ACO1: variants seen among roughly 807,000 people sequenced by gnomAD.
ACO1 encodes the protein aconitase 1, also known as cytoplasmic aconitate hydratase.
ACO1 carries 78 observed loss-of-function variants against 105.1 expected under a neutral mutation model. The ratio of observed to expected loss-of-function variants is 0.74; its 90% confidence interval spans 0.62 to 0.90. The LOEUF (loss-of-function observed/expected upper bound fraction) is 0.90. Among genes scored for constraint, ACO1 ranks in the 40% least tolerant of loss-of-function variants. The pLI is 0.00. For synonymous variants in ACO1, 364 were observed against 397.4 expected, an observed-to-expected ratio of 0.92 and a Z score of 1.00; for missense variants, 965 against 1,111.1, an observed-to-expected ratio of 0.87 and a Z score of 1.87.
intron 1 of ACO1, among the ~76,000 whole-genome samples, chr9:32,397,644 C>G (rs57884823): frequency 6.6e-6 from 1 of 152,138 alleles, no homozygotes; most frequent in Non-Finnish European, 1.5e-5. Context: ...CAATTAATTT[C>G]TCTTTAAACA....
In ACO1 at chr9:32,450,728, A is replaced by G. The variant is rs755549382; in HGVS notation, c.*617A>G. On this transcript the variant is annotated 3_prime_UTR_variant, in exon 21 of 21. Coordinates refer to ENST00000309951, the MANE Select transcript of ACO1 (RefSeq NM_002197.3). ...TAGATCCACATAAAAAGAAATGTGA[A>G]GTTTTCTTTTACTATCTTTTCATTT... 2 of 151,866 alleles carry G rather than the reference A, an allele frequency of 1.3e-5. No individual in the cohort carries two copies. Among genetic ancestry groups the G allele is most frequent in the Non-Finnish European group, 2.9e-5 (2 of 68,042 alleles). The allele number at this position is 151,866 out of a possible 1,614,324, so 9.4% of individuals were successfully genotyped here.
At position 32,449,018 on chromosome 9, in the gene ACO1, G is replaced by A. The variant is rs767278329; in HGVS notation, c.2493G>A (p.Gly831=). The A allele has an allele frequency of 1.9e-6, 3 of 1,614,118 alleles. No individual in the cohort carries two copies. The highest frequency in any genetic ancestry group is 2.5e-6 in the Non-Finnish European group (3 of 1,179,998). Residue 831 remains glycine (G), a synonymous_variant, in exon 20 of 21, where the codon GGG becomes GGA. Coordinates refer to ENST00000309951, the MANE Select transcript of ACO1 (RefSeq NM_002197.3). ...ATGCAGATGCCCTGGGGCTCACAGG[G>A]CAAGAACGATACACTATCATTATTC... ...GENADALGLT[G]QERYTIIIPE... is the part of the protein sequence containing the mutation.
intron 1 of ACO1, among the ~76,000 whole-genome samples, chr9:32,386,714 T>C (rs1057002624): frequency 6.6e-6 from 1 of 152,172 alleles, no homozygotes; most frequent in Admixed American, 6.5e-5. Flanking sequence ...GGAAATGGGA[T>C]CTAAACTCTG....
rs1347233943 is a variant in ACO1, at chr9:32,452,445, G to A, written c.*2334G>A. On this transcript the variant is annotated 3_prime_UTR_variant, in exon 21 of 21. Coordinates refer to ENST00000309951, the MANE Select transcript of ACO1 (RefSeq NM_002197.3). ...AACACAGCAAGAAGTCACCATCCGT[G>A]AACCAGAAAGTGGGTTCTCACCAGA... 1 of 152,294 alleles carries A rather than the reference G, an allele frequency of 6.6e-6. No individual in the cohort carries two copies. The highest frequency in any genetic ancestry group is 1.9e-4 in the East Asian group (1 of 5,198). The allele number at this position is 152,294 out of a possible 1,614,324, so 9.4% of individuals were successfully genotyped here.
At chr9:32,390,892 A>G (rs1275572230) in intron 1 of ACO1, among the ~76,000 whole-genome samples, 4 of 152,318 alleles carry the variant, frequency 2.6e-5, no homozygotes, top group African/African-American at 7.2e-5. Flanking sequence ...TAATCATACA[A>G]TGCATCCCCT....
intron 4 of ACO1, among the ~76,000 whole-genome samples, chr9:32,412,672 A>G (rs1821765200): frequency 6.6e-6 from 1 of 152,180 alleles, no homozygotes. Context: ...CTAAGGCAAT[A>G]TGTCTTCCCC....
chr9:32,422,189 T>C (rs1314853593), intron 8 of ACO1, among the ~76,000 whole-genome samples: 3 of 152,210 alleles, frequency 2.0e-5, no homozygotes, highest in Non-Finnish European at 4.4e-5. Flanking sequence ...GTTCCCGTGG[T>C]GCTGCAGGTG....
At chr9:32,397,538 T>G (rs1821398099) in intron 1 of ACO1, among the ~76,000 whole-genome samples, 1 of 152,238 alleles carries the variant, frequency 6.6e-6, no homozygotes, top group Non-Finnish European at 1.5e-5. Flanking sequence ...GTTGTTTATG[T>G]TCACATAGAC....
intron 4 of ACO1, among the ~76,000 whole-genome samples, chr9:32,416,945 G>A (rs902675591): frequency 1.3e-5 from 2 of 152,216 alleles, no homozygotes; most frequent in East Asian, 1.9e-4. Context: ...CGCCCACAAC[G>A]TAATGTTGTC....
chr9:32,393,535 G>C (rs545964104), intron 1 of ACO1, among the ~76,000 whole-genome samples: 1 of 152,184 alleles, frequency 6.6e-6, no homozygotes, highest in East Asian at 1.9e-4. Flanking sequence ...ATCTTGCCCT[G>C]CCTCCATTTA....
At chr9:32,418,574 C>A in intron 6 of ACO1, 63 bp downstream of exon 6, 2 of 1,491,582 alleles carry the variant, frequency 1.3e-6, no homozygotes. Context: ...GATTCTATTA[C>A]ATCTCAGTAA....
intron 1 of ACO1, among the ~76,000 whole-genome samples, chr9:32,391,135 T>A (rs1432219951): frequency 6.6e-6 from 1 of 152,188 alleles, no homozygotes; most frequent in Non-Finnish European, 1.5e-5. Context: ...ATGCAGTGCT[T>A]TCGTGTGTTA....
At position 32,440,631 on chromosome 9, in the gene ACO1, C is replaced by T. The variant is rs747857738; in HGVS notation, c.2370+44C>T. 2.5e-6 allele frequency: 4 copies of T among 1,598,514 alleles called. No individual in the cohort carries two copies. In the South Asian group the frequency reaches 4.5e-5, roughly 18 times the overall value. On this transcript the variant is annotated intron_variant, in intron 19 of 20. Transcript: ENST00000309951. The stretch of plus-strand genomic sequence containing the variant: ...TCCTAGGAGGCAGCTCCCCTCTGAA[C>T]TGGGAGGGTCCCCAGGCACAAATCC...
At chr9:32,387,729 G>A (rs1003573870) in intron 1 of ACO1, among the ~76,000 whole-genome samples, 1 of 152,184 alleles carries the variant, frequency 6.6e-6, no homozygotes, top group African/African-American at 2.4e-5. Flanking sequence ...TTCTATTGCA[G>A]CTACTCAGCT....
At chr9:32,419,221 G>A (rs760022481) in intron 7 of ACO1, 44 bp downstream of exon 7, 12 of 1,498,750 alleles carry the variant, frequency 8.0e-6, no homozygotes, top group Non-Finnish European at 1.1e-5. Context: ...AAGCCACAAT[G>A]ATAGCTTTCC....
At chr9:32,429,379 T>C (rs767426535) in intron 12 of ACO1, 40 bp from the exon 13 acceptor site, 6 of 1,594,590 alleles carry the variant, frequency 3.8e-6, no homozygotes, top group South Asian at 2.2e-5. Flanking sequence ...CTGAAAGTTA[T>C]TCTTTTTTTG....
intron 11 of ACO1, 99 bp downstream of exon 11, chr9:32,426,096 C>T: frequency 1.7e-6 from 2 of 1,211,896 alleles, no homozygotes; most frequent in Non-Finnish European, 2.3e-6. Flanking sequence ...ACATGTAGTT[C>T]CCTGAACCTC....
intron 18 of ACO1, among the ~76,000 whole-genome samples, chr9:32,438,554 C>G (rs1018098047): frequency 5.9e-5 from 9 of 152,144 alleles, no homozygotes; most frequent in African/African-American, 2.2e-4. Flanking sequence ...GTCTGAATAT[C>G]TTTAAAGGTG....
intron 17 of ACO1, 69 bp from the exon 18 acceptor site, chr9:32,436,181 C>G (rs746367418): frequency 1.0e-5 from 16 of 1,595,288 alleles, no homozygotes; most frequent in Non-Finnish European, 1.3e-5. Context: ...TTTTTCTTTT[C>G]TTGGTGTAAG....
Sources: gnomAD v4.1 joint callset for allele counts (sites outside exome capture counted in the v4.1 genomes callset) on GRCh38, gnomAD v4.1.1 for gene constraint, MANE v1.5 for transcripts, NCBI Gene and HGNC (gene_info 2026-07-23, HGNC 2026-07-21) for gene names.